GRM5: variants seen among roughly 807,000 people sequenced by gnomAD.
GRM5 encodes metabotropic glutamate receptor 5.
In GRM5, 19 loss-of-function variants were observed where a neutral mutation model predicts 83.1. That is an observed-to-expected ratio of 0.23 (90% CI 0.16 to 0.34). The LOEUF (loss-of-function observed/expected upper bound fraction) is 0.34. GRM5 is among the 10% of genes least tolerant of loss of function. GRM5 has a pLI of 1.00. For synonymous variants in GRM5, 675 were observed against 633.6 expected (o/e 1.07, Z -0.98); for missense variants, 1,160 against 1,588.3 (o/e 0.73, Z 4.58).
chr11:88,980,998 T>C (rs998420096), intron 2 of GRM5, among the ~76,000 whole-genome samples: 20 of 142,236 alleles, frequency 1.4e-4, no homozygotes, highest in African/African-American at 5.0e-4. Flanking sequence ...AAAACTAAAA[T>C]AGTCCCTAAT....
At chr11:88,694,220 T>A (rs1363681417) in intron 3 of GRM5, among the ~76,000 whole-genome samples, 2 of 152,198 alleles carry the variant, frequency 1.3e-5, no homozygotes, top group Non-Finnish European at 2.9e-5. Context: ...TATTAAATGA[T>A]CTATTTCCTT....
chr11:88,609,966 C>G (rs148649135), intron 4 of GRM5, among the ~76,000 whole-genome samples: 98 of 152,288 alleles, frequency 6.4e-4, no homozygotes, highest in African/African-American at 2.2e-3. Context: ...GCCAGTGATC[C>G]CAGCACCATT....
intron 7 of GRM5, among the ~76,000 whole-genome samples, chr11:88,585,652 A>G (rs1233659074): frequency 6.6e-6 from 1 of 152,170 alleles, no homozygotes; most frequent in Non-Finnish European, 1.5e-5. Context: ...CAATTCATTG[A>G]AGAGGCAATT....
chr11:88,866,707 T>C (rs946423263), intron 2 of GRM5, among the ~76,000 whole-genome samples: 4 of 152,088 alleles, frequency 2.6e-5, no homozygotes, highest in African/African-American at 9.7e-5. Context: ...TAAATAATGA[T>C]CTTTGGAATT....
chr11:88,824,026 G>A (rs2135512499), intron 3 of GRM5, among the ~76,000 whole-genome samples: 1 of 152,252 alleles, frequency 6.6e-6, no homozygotes, highest in Middle Eastern at 3.4e-3. Context: ...ACTGCATATT[G>A]GTTTACTCCT....
intron 3 of GRM5, among the ~76,000 whole-genome samples, chr11:88,722,397 G>A (rs761339416): frequency 6.6e-6 from 1 of 152,124 alleles, no homozygotes; most frequent in African/African-American, 2.4e-5. Flanking sequence ...CCCTTGCTGT[G>A]ACTGCGTTTT....
At chr11:88,674,915 G>T (rs1271175409) in intron 3 of GRM5, among the ~76,000 whole-genome samples, 3 of 151,852 alleles carry the variant, frequency 2.0e-5, no homozygotes, top group African/African-American at 7.3e-5. Context: ...GAGGAGGCAC[G>T]TAAGATCCTT....
chr11:88,893,684 C>T (rs1240312995), intron 2 of GRM5, among the ~76,000 whole-genome samples: 3 of 152,014 alleles, frequency 2.0e-5, no homozygotes, highest in Non-Finnish European at 4.4e-5. Flanking sequence ...AGCAATTAAA[C>T]TCCAAATGGA....
chr11:88,965,099 T>C (rs2134992461), intron 2 of GRM5, among the ~76,000 whole-genome samples: 1 of 152,316 alleles, frequency 6.6e-6, no homozygotes, highest in South Asian at 2.1e-4. Context: ...ATTGTTAGAC[T>C]GAATAAAAAT....
intron 2 of GRM5, among the ~76,000 whole-genome samples, chr11:89,031,249 G>A (rs1941254900): frequency 6.6e-6 from 1 of 151,864 alleles, no homozygotes; most frequent in South Asian, 2.1e-4. Context: ...TTTTATGCCA[G>A]CAATTATTTA....
chr11:88,989,537 T>C (rs377182451), intron 2 of GRM5, among the ~76,000 whole-genome samples: 1,515 of 129,924 alleles, frequency 0.012, 39 homozygotes, highest in African/African-American at 0.046. Context: ...GAACTCTCCA[T>C]CCCAAATCAA....
chr11:89,009,259 C>T (rs1025245696), intron 2 of GRM5, among the ~76,000 whole-genome samples: 2 of 152,178 alleles, frequency 1.3e-5, no homozygotes, highest in Non-Finnish European at 2.9e-5. Context: ...AGTAATTACA[C>T]AGAGTTTATT....
chr11:89,051,145 A>C (rs1014872862), intron 1 of GRM5, among the ~76,000 whole-genome samples: 2 of 152,044 alleles, frequency 1.3e-5, no homozygotes, highest in Admixed American at 6.6e-5. Context: ...AGTCCCAGCT[A>C]CTCGGGAGGC....
chr11:88,739,245 A>ATTC (rs1941980583), intron 3 of GRM5, among the ~76,000 whole-genome samples: 2 of 152,066 alleles, frequency 1.3e-5, no homozygotes, highest in South Asian at 4.1e-4. Context: ...ATTCTTATGC[A>ATTC]TTCTTCACTC....
At chr11:88,648,251 T>G (rs1038598199) in intron 4 of GRM5, among the ~76,000 whole-genome samples, 4 of 149,460 alleles carry the variant, frequency 2.7e-5, no homozygotes, top group Admixed American at 2.0e-4. Context: ...TTGGAACCAA[T>G]CCAAATGTCC....
intron 3 of GRM5, among the ~76,000 whole-genome samples, chr11:88,738,394 A>T (rs1941962593): frequency 6.6e-6 from 1 of 152,076 alleles, no homozygotes; most frequent in African/African-American, 2.4e-5. Context: ...TTAAATATGT[A>T]TACACATCCA....
intron 3 of GRM5, among the ~76,000 whole-genome samples, chr11:88,666,999 TA>T (rs1461067775): frequency 6.6e-6 from 1 of 152,144 alleles, no homozygotes; most frequent in Non-Finnish European, 1.5e-5. Flanking sequence ...AGAGTGAATT[TA>T]AATACAAATA....
chr11:88,617,713 T>C lies in GRM5; in HGVS notation c.1148-12749A>G, dbSNP rs759384596. On this transcript the variant is annotated intron_variant, in intron 4 of 9. Transcript: ENST00000305447. The stretch of plus-strand genomic sequence containing the variant: ...CCCTTCTCTGTGACCAAAGGAACTG[T>C]ATCCCAACAGTGTGCGGGGGAAAAT... 5.9e-5 allele frequency among the ~76,000 whole-genome samples: 9 copies of C among 152,206 alleles called. No homozygotes were observed. The East Asian group carries it at 1.3e-3, about 23-fold the overall frequency.
chr11:88,556,444 T>C (rs1942629862), intron 8 of GRM5, among the ~76,000 whole-genome samples: 1 of 151,740 alleles, frequency 6.6e-6, no homozygotes, highest in Admixed American at 6.6e-5. Context: ...TGCCTCAGTC[T>C]CCCAAGTAGC....
Sources: allele counts gnomAD v4.1 joint callset (sites outside exome capture counted in the v4.1 genomes callset), GRCh38; gene constraint gnomAD v4.1.1; transcripts MANE v1.5; gene names NCBI Gene and HGNC (gene_info 2026-07-23, HGNC 2026-07-21).